MSI2: variants seen among roughly 807,000 people sequenced by gnomAD.
The protein encoded by MSI2 is RNA-binding protein Musashi homolog 2.
Under a neutral mutation model 45.6 loss-of-function variants are expected in MSI2, and 17 were observed. The observed-to-expected ratio is 0.37, with a 90% confidence interval of 0.26 to 0.56. The LOEUF (loss-of-function observed/expected upper bound fraction) is 0.56, where lower values mean the gene tolerates loss of function less well. Ranked by LOEUF, MSI2 falls within the 20% of genes least tolerant of loss-of-function variation. The pLI is 0.77. For synonymous variants in MSI2, 156 were observed against 158.2 expected (o/e 0.99, Z 0.11); for missense variants, 293 against 444.2 (o/e 0.66, Z 3.06).
intron 6 of MSI2, among the ~76,000 whole-genome samples, chr17:57,417,219 CATTT>C (rs1457224696): frequency 1.3e-5 from 2 of 152,128 alleles, no homozygotes; most frequent in African/African-American, 4.8e-5. Flanking sequence ...GCTTGACAGA[CATTT>C]ATTCTGGGCT....
At chr17:57,528,350 G>A (rs1343197648) in intron 6 of MSI2, among the ~76,000 whole-genome samples, 1 of 152,142 alleles carries the variant, frequency 6.6e-6, no homozygotes, top group Non-Finnish European at 1.5e-5. Context: ...TGAGCTCTAC[G>A]TGGGAGTTGA....
At chr17:57,631,608 T>G in intron 10 of MSI2, 3 of 599,880 alleles carry the variant, frequency 5.0e-6, no homozygotes, top group Non-Finnish European at 8.8e-6. Context: ...GACCAACCAC[T>G]CTGGGAACAG....
chr17:57,574,536 T>C (rs933400196), intron 7 of MSI2, among the ~76,000 whole-genome samples: 1 of 152,168 alleles, frequency 6.6e-6, no homozygotes, highest in East Asian at 1.9e-4. Flanking sequence ...GTCCCCATGG[T>C]TGAGCCTCTG....
intron 5 of MSI2, among the ~76,000 whole-genome samples, chr17:57,360,847 G>A (rs918486133): frequency 1.3e-5 from 2 of 152,166 alleles, no homozygotes; most frequent in African/African-American, 2.4e-5. Context: ...TTGTACCTGC[G>A]TACAACTTAA....
intron 7 of MSI2, among the ~76,000 whole-genome samples, chr17:57,550,505 AT>A (rs2087278126): frequency 6.6e-6 from 1 of 152,138 alleles, no homozygotes; most frequent in African/African-American, 2.4e-5. Flanking sequence ...CAAGGTTTGG[AT>A]TTGGGGGGGT....
At chr17:57,406,363 C>T (rs2084082343) in intron 6 of MSI2, among the ~76,000 whole-genome samples, 1 of 152,190 alleles carries the variant, frequency 6.6e-6, no homozygotes, top group African/African-American at 2.4e-5. Flanking sequence ...TCCTCCTTCT[C>T]CCCTTCAGGC....
intron 6 of MSI2, among the ~76,000 whole-genome samples, chr17:57,469,901 C>T (rs1267744035): frequency 6.6e-6 from 1 of 152,248 alleles, no homozygotes; most frequent in Non-Finnish European, 1.5e-5. Context: ...CTGTGGTGCC[C>T]ACCTGGACTT....
At chr17:57,435,915 C>T (rs1298665286) in intron 6 of MSI2, among the ~76,000 whole-genome samples, 1 of 152,186 alleles carries the variant, frequency 6.6e-6, no homozygotes, top group Non-Finnish European at 1.5e-5. Flanking sequence ...GGGATTTGCT[C>T]TACTATACAC....
chr17:57,273,484 TTTACTG>T (rs1908561038), intron 5 of MSI2, among the ~76,000 whole-genome samples: 1 of 145,712 alleles, frequency 6.9e-6, no homozygotes, highest in Non-Finnish European at 1.5e-5. Context: ...TTTTTTTTCT[TTTACTG>T]GATTCACACA....
chr17:57,640,077 T>G (rs1297263364), intron 10 of MSI2, among the ~76,000 whole-genome samples: 1 of 152,010 alleles, frequency 6.6e-6, no homozygotes, highest in Admixed American at 6.5e-5. Context: ...GTCCAGCCCC[T>G]CCTAGAGGAG....
chr17:57,557,963 C>T (rs2087477605), intron 7 of MSI2, among the ~76,000 whole-genome samples: 1 of 152,172 alleles, frequency 6.6e-6, no homozygotes, highest in African/African-American at 2.4e-5. Context: ...CTGCAGCTGA[C>T]TCTGCCCTCA....
At chr17:57,603,190 A>G (rs1308660240) in intron 8 of MSI2, among the ~76,000 whole-genome samples, 1 of 152,212 alleles carries the variant, frequency 6.6e-6, no homozygotes, top group Non-Finnish European at 1.5e-5. Flanking sequence ...TCAGTGCCAG[A>G]GACTGCTCCC....
At chr17:57,345,171 C>T (rs117379714) in intron 5 of MSI2, among the ~76,000 whole-genome samples, 8 of 152,360 alleles carry the variant, frequency 5.3e-5, no homozygotes, top group Non-Finnish European at 8.8e-5. Flanking sequence ...ATAGTTCAAC[C>T]GTGTGTTCCT....
At chr17:57,442,625 C>T (rs1163680628) in intron 6 of MSI2, among the ~76,000 whole-genome samples, 1 of 152,168 alleles carries the variant, frequency 6.6e-6, no homozygotes, top group Non-Finnish European at 1.5e-5. Context: ...AAACCCACAA[C>T]CCCAGGTTCT....
At chr17:57,387,680 A>T (rs535139423) in intron 5 of MSI2, among the ~76,000 whole-genome samples, 8 of 152,352 alleles carry the variant, frequency 5.3e-5, no homozygotes, top group African/African-American at 1.7e-4. Context: ...AGTAGAATTC[A>T]TAATAATTAG....
At chr17:57,266,252 T>C (rs924494611) in intron 5 of MSI2, 1 of 152,352 alleles carries the variant, frequency 6.6e-6, no homozygotes, top group Non-Finnish European at 1.5e-5. Flanking sequence ...TAGTACTCAC[T>C]GCCTGCAGTT....
chr17:57,675,061 G>A lies in MSI2; in HGVS notation c.880G>A (p.Gly294Arg), dbSNP rs757898294. Residue 294 changes from glycine (G) to arginine (R), a missense_variant, in exon 12 of 14, where the codon GGA becomes AGA. Coordinates refer to ENST00000284073, the MANE Select transcript of MSI2 (RefSeq NM_138962.4). ...DLYGPASQDSGVGNYISAASP... is the reference protein window; with the variant it reads ...DLYGPASQDSRVGNYISAASP... ...CTACGGCCCTGCCAGCCAGGACTCC[G>A]GAGTGGGGAATTACATAAGTGCGGC... 1.9e-5 allele frequency: 31 copies of A among 1,613,988 alleles called. No homozygotes were observed. The highest frequency in any genetic ancestry group is 1.3e-4 in the South Asian group (12 of 91,086).
chr17:57,257,221 C>G lies in MSI2; in HGVS notation c.103+83C>G, dbSNP rs1225594450. 1.5e-4 allele frequency: 76 copies of G among 497,334 alleles called. 1 individual carries two copies. Among genetic ancestry groups the G allele is most frequent in the South Asian group, 1.4e-3 (61 of 43,890 alleles). 30.8% of individuals were successfully genotyped at this position (497,334 alleles called of 1,614,324 possible). On this transcript the variant is annotated intron_variant, in intron 2 of 13. Coordinates refer to ENST00000284073, the MANE Select transcript of MSI2 (RefSeq NM_138962.4). ...TTTGTTATCCCGGTGTAGGAGCCCC[C>G]CCCCCCCCGCCATTGGCTCCCCACT...
At chr17:57,341,990 G>A (rs1043881803) in intron 5 of MSI2, among the ~76,000 whole-genome samples, 1 of 151,918 alleles carries the variant, frequency 6.6e-6, no homozygotes, top group Non-Finnish European at 1.5e-5. Flanking sequence ...CCTATTTTCA[G>A]CTGATTTGCA....
Sources: gnomAD v4.1 joint callset for allele counts (sites outside exome capture counted in the v4.1 genomes callset) on GRCh38, gnomAD v4.1.1 for gene constraint, MANE v1.5 for transcripts, NCBI Gene and HGNC (gene_info 2026-07-23, HGNC 2026-07-21) for gene names.